The following PRKG1 variants were observed in gnomAD, a reference collection of about 807,000 sequenced individuals.
The protein encoded by PRKG1 is protein kinase cGMP-dependent 1.
In PRKG1, 35 loss-of-function variants were observed where a neutral mutation model predicts 88.1. That is an observed-to-expected ratio of 0.40 (90% CI 0.30 to 0.53). PRKG1 has a LOEUF of 0.53. Ranked by LOEUF, PRKG1 falls within the 20% of genes least tolerant of loss-of-function variation. The pLI, the probability that PRKG1 is intolerant of heterozygous loss-of-function variation, is 0.59. For synonymous variants in PRKG1, 303 were observed against 292.5 expected, an observed-to-expected ratio of 1.04 and a Z score of -0.37; for missense variants, 540 against 839.8, an observed-to-expected ratio of 0.64 and a Z score of 4.41.
intron 1 of PRKG1, among the ~76,000 whole-genome samples, chr10:51,109,033 G>A (rs1346954648): frequency 1.3e-5 from 2 of 151,932 alleles, no homozygotes; most frequent in Non-Finnish European, 2.9e-5. Flanking sequence ...TGTGACAAAA[G>A]TTGTAAAAAA....
At chr10:51,298,877 G>T (rs1173054185) in intron 2 of PRKG1, among the ~76,000 whole-genome samples, 1 of 152,176 alleles carries the variant, frequency 6.6e-6, no homozygotes, top group Non-Finnish European at 1.5e-5. Flanking sequence ...GCAACAAAAG[G>T]TTGGAAGCTT....
chr10:51,414,656 C>A (rs988548071), intron 2 of PRKG1, among the ~76,000 whole-genome samples: 16 of 152,068 alleles, frequency 1.1e-4, no homozygotes, highest in Admixed American at 3.3e-4. Flanking sequence ...CCTGTAATGT[C>A]TATTAACATT....
intron 8 of PRKG1, among the ~76,000 whole-genome samples, chr10:52,144,948 A>C (rs918603140): frequency 1.3e-5 from 2 of 152,198 alleles, no homozygotes; most frequent in African/African-American, 4.8e-5. Flanking sequence ...AATAAAGAAA[A>C]AATAATAGAT....
At chr10:51,852,521 C>CT (rs1267727281) in intron 4 of PRKG1, among the ~76,000 whole-genome samples, 1 of 152,020 alleles carries the variant, frequency 6.6e-6, no homozygotes, top group Non-Finnish European at 1.5e-5. Flanking sequence ...ACATGTACAT[C>CT]TTAGAGATGA....
chr10:51,899,779 A>G (rs1305569467), intron 4 of PRKG1, among the ~76,000 whole-genome samples: 1 of 150,776 alleles, frequency 6.6e-6, no homozygotes, highest in Non-Finnish European at 1.5e-5. Context: ...GCCCCCTCCC[A>G]ATCTCATATT....
chr10:52,227,647 G>A (rs912736827), intron 9 of PRKG1, among the ~76,000 whole-genome samples: 2 of 152,020 alleles, frequency 1.3e-5, no homozygotes, highest in Non-Finnish European at 2.9e-5. Flanking sequence ...ATTACCAAGG[G>A]ATGACTGTAT....
At chr10:52,145,029 G>A (rs7911263) in intron 8 of PRKG1, among the ~76,000 whole-genome samples, 114,443 of 152,040 alleles carry the variant, frequency 0.75, 43,485 homozygotes, top group South Asian at 0.86. Flanking sequence ...ATTCAGTTAC[G>A]GATATTGCAA....
At chr10:51,294,665 T>C (rs1471877404) in intron 2 of PRKG1, among the ~76,000 whole-genome samples, 1 of 152,184 alleles carries the variant, frequency 6.6e-6, no homozygotes, top group Non-Finnish European at 1.5e-5. Context: ...TTCTGTTCCA[T>C]TGGTCAATAT....
rs1395344154 is a variant in PRKG1 at position 51,881,016 on chromosome 10, C to G, written c.699-26491C>G. Among the ~76,000 whole-genome samples, 3 of 139,278 alleles carry G rather than the reference C, an allele frequency of 2.2e-5. No homozygotes were observed. In the Middle Eastern group the frequency reaches 0.011, roughly 524 times the overall value. The allele number at this position is 139,278 out of a possible 152,430, so 91.4% of individuals were successfully genotyped here. ...AAGAGTAAATGACAAGTAGGAGTTA[C>G]TTAGAGAAAAGGGGGGCAGATAGTA... On this transcript the variant is annotated intron_variant, in intron 4 of 17. Transcript: ENST00000373980.
rs1031264507 is a variant in PRKG1 at position 52,128,132 on chromosome 10, T to C, written c.936-5708T>C. ...TGTGAACTAAACTTAACTGGGGACA[T>C]TAAACTGCTGCACATGACAGAGAGT... On this transcript the variant is annotated intron_variant, in intron 7 of 17. Transcript: ENST00000373980. 6.1e-6 allele frequency: 6 copies of C among 985,250 alleles called. No homozygotes were observed. The Admixed American group carries it at 3.1e-4, about 50-fold the overall frequency. The allele number at this position is 985,250 out of a possible 1,614,324, so 61.0% of individuals were successfully genotyped here. A position where few individuals can be genotyped will look rare whatever the true frequency, so the allele number is the denominator to read the frequency against.
chr10:52,233,459 A>C (rs1264153784), intron 9 of PRKG1, among the ~76,000 whole-genome samples: 3 of 146,236 alleles, frequency 2.1e-5, no homozygotes, highest in African/African-American at 7.6e-5. Context: ...GGGTGCGTGC[A>C]CCGTGCGCGA....
intron 8 of PRKG1, among the ~76,000 whole-genome samples, chr10:52,150,183 A>AATTATTATTATTATT (rs60620444): frequency 1.6e-3 from 242 of 147,976 alleles, no homozygotes; most frequent in African/African-American, 4.4e-3. Flanking sequence ...TAATAATAAT[A>AATTATTATTATTATT]ATTTGATTGG....
chr10:51,236,079 C>T (rs1838980487), intron 2 of PRKG1, among the ~76,000 whole-genome samples: 2 of 152,110 alleles, frequency 1.3e-5, no homozygotes, highest in South Asian at 4.1e-4. Flanking sequence ...TACTGATGCT[C>T]TTTGAGAACC....
At chr10:51,775,961 TG>T (rs1838424798) in intron 3 of PRKG1, among the ~76,000 whole-genome samples, 1 of 152,202 alleles carries the variant, frequency 6.6e-6, no homozygotes. Context: ...CTGTTTCCAT[TG>T]TTATTCCTTT....
intron 2 of PRKG1, among the ~76,000 whole-genome samples, chr10:51,180,148 G>A (rs754927170): frequency 5.9e-5 from 9 of 152,096 alleles, no homozygotes; most frequent in Non-Finnish European, 2.9e-5. Context: ...TATAATGCAC[G>A]GGGCAAATAC....
chr10:51,199,848 T>C (rs1837868102), intron 2 of PRKG1, among the ~76,000 whole-genome samples: 1 of 152,182 alleles, frequency 6.6e-6, no homozygotes, highest in African/African-American at 2.4e-5. Flanking sequence ...TGGGTTACAG[T>C]GCTAAATCCT....
chr10:51,743,955 G>T (rs1837513719), intron 3 of PRKG1, among the ~76,000 whole-genome samples: 1 of 150,900 alleles, frequency 6.6e-6, no homozygotes, highest in East Asian at 1.9e-4. Flanking sequence ...GACTTCAACA[G>T]GTTGTTTTAA....
chr10:52,135,004 A>C (rs911848692), intron 8 of PRKG1, among the ~76,000 whole-genome samples: 6 of 152,154 alleles, frequency 3.9e-5, no homozygotes, highest in African/African-American at 1.4e-4. Context: ...TCCCATGTGC[A>C]AAGCATTGTC....
intron 2 of PRKG1, among the ~76,000 whole-genome samples, chr10:51,431,274 A>T (rs1838763027): frequency 6.6e-6 from 1 of 152,160 alleles, no homozygotes; most frequent in African/African-American, 2.4e-5. Context: ...TAAAGAATTT[A>T]TCACTTACAT....
Sources: gnomAD v4.1 joint callset for allele counts (sites outside exome capture counted in the v4.1 genomes callset) on GRCh38, gnomAD v4.1.1 for gene constraint, MANE v1.5 for transcripts, NCBI Gene and HGNC (gene_info 2026-07-23, HGNC 2026-07-21) for gene names.